MELK: variants seen among roughly 807,000 people sequenced by gnomAD.
MELK encodes pEg3 kinase.
MELK carries 81 observed loss-of-function variants against 85.0 expected under a neutral mutation model. That is an observed-to-expected ratio of 0.95 (90% CI 0.80 to 1.15). MELK has a LOEUF of 1.15. Among genes scored for constraint, MELK ranks in the 50% most tolerant of loss-of-function variants. MELK has a pLI of 0.00. For missense variants in MELK, 754 were observed against 777.5 expected (o/e 0.97, Z 0.36); for synonymous variants, 252 against 265.0 (o/e 0.95, Z 0.48).
intron 8 of MELK, among the ~76,000 whole-genome samples, chr9:36,620,860 T>C (rs561409477): frequency 5.9e-5 from 9 of 152,002 alleles, no homozygotes; most frequent in Admixed American, 2.6e-4. Flanking sequence ...CATTCCCTTC[T>C]TTTGAGATTT....
chr9:36,593,785 G>A (rs992067909), intron 4 of MELK, among the ~76,000 whole-genome samples: 3 of 151,962 alleles, frequency 2.0e-5, no homozygotes, highest in Admixed American at 6.6e-5. Context: ...TCTGCCTCCC[G>A]GGTTCAAGCG....
rs960938958 is a variant in MELK at position 36,580,032 on chromosome 9, T to A, written c.-38-1612T>A. On this transcript the variant is annotated intron_variant, in intron 1 of 17. Transcript: ENST00000298048. Reference sequence around the variant, plus strand: ...CTGATGACTACTGATAATTTTTTCATGTCTTCTTTTTTTTTTTTTTTTTTT... The same window carrying A: ...CTGATGACTACTGATAATTTTTTCAAGTCTTCTTTTTTTTTTTTTTTTTTT... 1.4e-4 allele frequency among the ~76,000 whole-genome samples: 21 copies of A among 148,184 alleles called. No homozygotes were observed. In the South Asian group the frequency reaches 1.7e-3, roughly 12 times the overall value.
intron 11 of MELK, among the ~76,000 whole-genome samples, chr9:36,650,186 AC>A (rs1830579506): frequency 6.6e-6 from 1 of 151,194 alleles, no homozygotes; most frequent in South Asian, 2.1e-4. Context: ...CTCGTGATCC[AC>A]CCGCCTCGGC....
In MELK at chr9:36,649,699, G is replaced by A. The variant is rs377326033; in HGVS notation, c.922-2047G>A. Among the ~76,000 whole-genome samples, 13 of 152,112 alleles carry A rather than the reference G, an allele frequency of 8.5e-5. No individual in the cohort carries two copies. In the East Asian group the frequency reaches 9.7e-4, roughly 11 times the overall value. On this transcript the variant is annotated intron_variant, in intron 11 of 17. Coordinates refer to ENST00000298048, the MANE Select transcript of MELK (RefSeq NM_014791.4). ...CGAGAGGATTGCTTGAACCCAGGAG[G>A]CAGAGGTTGTAGTGAGCCGTGATTG...
At chr9:36,580,054 T>A (rs1418558741) in intron 1 of MELK, among the ~76,000 whole-genome samples, 3 of 147,992 alleles carry the variant, frequency 2.0e-5, no homozygotes, top group East Asian at 1.9e-4. Context: ...TTTTTTTTTT[T>A]TTTTTTATTT....
chr9:36,614,882 C>A (rs921874480), intron 8 of MELK, among the ~76,000 whole-genome samples: 6 of 147,830 alleles, frequency 4.1e-5, no homozygotes, highest in African/African-American at 1.5e-4. Context: ...AATCTTTTCC[C>A]CACCTTTCCC....
chr9:36,659,624 G>A (rs1831596619), intron 13 of MELK, among the ~76,000 whole-genome samples: 1 of 152,102 alleles, frequency 6.6e-6, no homozygotes, highest in Non-Finnish European at 1.5e-5. Flanking sequence ...TTCCTTAGAT[G>A]CCTGGAATCA....
At chr9:36,605,147 T>G (rs1825364888) in intron 7 of MELK, among the ~76,000 whole-genome samples, 1 of 152,030 alleles carries the variant, frequency 6.6e-6, no homozygotes, top group African/African-American at 2.4e-5. Context: ...CTACCTTGCT[T>G]CCCAAAGTGT....
chr9:36,615,881 AGGCAGAG>A (rs1826694982), intron 8 of MELK, among the ~76,000 whole-genome samples: 2 of 149,686 alleles, frequency 1.3e-5, no homozygotes, highest in Non-Finnish European at 3.0e-5. Flanking sequence ...CTGGGCAGCC[AGGCAGAG>A]GGGCTCCTCA....
chr9:36,618,500 A>G (rs776787250), intron 8 of MELK, among the ~76,000 whole-genome samples: 1 of 152,270 alleles, frequency 6.6e-6, no homozygotes, highest in African/African-American at 2.4e-5. Context: ...AATAGTGTAT[A>G]TAAGTCCTTA....
At chr9:36,592,558 G>A (rs1218850819) in intron 4 of MELK, among the ~76,000 whole-genome samples, 1 of 152,010 alleles carries the variant, frequency 6.6e-6, no homozygotes, top group Non-Finnish European at 1.5e-5. Flanking sequence ...ATACGTATGT[G>A]TATTTTATAT....
intron 5 of MELK, 28 bp downstream of exon 5, chr9:36,594,799 T>C (rs1047413044): frequency 1.3e-6 from 2 of 1,599,322 alleles, no homozygotes; most frequent in Admixed American, 1.7e-5. Context: ...AGTTAGATGC[T>C]CACCTTCAGC....
intron 7 of MELK, among the ~76,000 whole-genome samples, chr9:36,606,149 T>G (rs1825456511): frequency 6.6e-6 from 1 of 151,764 alleles, no homozygotes; most frequent in East Asian, 1.9e-4. Flanking sequence ...TTTGTAGGAC[T>G]ATTTGTGCTG....
intron 12 of MELK, among the ~76,000 whole-genome samples, chr9:36,653,762 C>T (rs571497047): frequency 2.7e-4 from 41 of 151,596 alleles, no homozygotes; most frequent in Admixed American, 1.3e-3. Context: ...GGTTTTTTTC[C>T]CCTTTATAGG....
intron 7 of MELK, among the ~76,000 whole-genome samples, chr9:36,605,948 G>A (rs1314677184): frequency 7.0e-6 from 1 of 142,834 alleles, no homozygotes; most frequent in African/African-American, 2.6e-5. Flanking sequence ...GTGAGACCCT[G>A]TCTCTAAAAA....
At chr9:36,664,405 T>C (rs1323655017) in intron 13 of MELK, among the ~76,000 whole-genome samples, 1 of 152,120 alleles carries the variant, frequency 6.6e-6, no homozygotes, top group Admixed American at 6.6e-5. Context: ...TGGGTTGGAG[T>C]GAAGCTTTTC....
rs572105358 is a variant in MELK at position 36,592,260 on chromosome 9, C to T, written c.262-2368C>T. Among the ~76,000 whole-genome samples, 151 of 151,016 alleles carry T rather than the reference C, an allele frequency of 1.0e-3. 4 individuals are homozygous for T. Among genetic ancestry groups the T allele is most frequent in the South Asian group, 8.0e-3 (38 of 4,774 alleles). On this transcript the variant is annotated intron_variant, in intron 4 of 17. Transcript: ENST00000298048. ...CGTAACCTTGGCTCACTACAACCTCCGCCTCCCGGGTTCAAGTGATTTTCC... is the reference window on the plus strand; with the variant it reads ...CGTAACCTTGGCTCACTACAACCTCTGCCTCCCGGGTTCAAGTGATTTTCC...
At chr9:36,652,729 C>CAAA (rs745699767) in intron 12 of MELK, among the ~76,000 whole-genome samples, 15 of 95,048 alleles carry the variant, frequency 1.6e-4, no homozygotes, top group African/African-American at 2.0e-4. Flanking sequence ...GACTCTGTCT[C>CAAA]AAAAAAAAAA....
intron 13 of MELK, among the ~76,000 whole-genome samples, chr9:36,658,514 CTATT>C (rs1477604572): frequency 1.3e-5 from 2 of 152,160 alleles, no homozygotes; most frequent in African/African-American, 4.8e-5. Context: ...TTTATACTCT[CTATT>C]TATTGTGACA....
Sources: gnomAD v4.1 joint callset for allele counts (sites outside exome capture counted in the v4.1 genomes callset) on GRCh38, gnomAD v4.1.1 for gene constraint, MANE v1.5 for transcripts, NCBI Gene and HGNC (gene_info 2026-07-23, HGNC 2026-07-21) for gene names.